JPT2: variants seen among roughly 807,000 people sequenced by gnomAD.
The protein encoded by JPT2 is Jupiter microtubule associated homolog 2, also known as CRAMP_1 like.
Under a neutral mutation model 15.9 loss-of-function variants are expected in JPT2, and 9 were observed. That is an observed-to-expected ratio of 0.57 (90% CI 0.34 to 0.99). The LOEUF (loss-of-function observed/expected upper bound fraction) is 0.99. JPT2 is among the 50% of genes least tolerant of loss of function. The pLI is 0.02. For synonymous variants in JPT2, 95 were observed against 91.7 expected (o/e 1.04, Z -0.21); for missense variants, 267 against 252.1 (o/e 1.06, Z -0.40).
intron 2 of JPT2, among the ~76,000 whole-genome samples, chr16:1,691,148 T>C (rs1442005023): frequency 1.3e-5 from 2 of 152,220 alleles, no homozygotes; most frequent in Non-Finnish European, 2.9e-5. Context: ...AGATGATCAG[T>C]TGGTCCCACA....
At chr16:1,688,793 C>A (rs139676999) in intron 2 of JPT2, 2 of 152,268 alleles carry the variant, frequency 1.3e-5, no homozygotes, top group East Asian at 3.9e-4. Flanking sequence ...AAACATCTCT[C>A]GAGTTTATCT....
At chr16:1,702,411 G>A, downstream of JPT2, 1 of 312,384 alleles carries the variant, frequency 3.2e-6, no homozygotes, top group Non-Finnish European at 6.5e-6. Flanking sequence ...ACCTCTGGGA[G>A]TCACAGCTCC....
intron 1 of JPT2, among the ~76,000 whole-genome samples, chr16:1,684,253 G>C (rs1044681987): frequency 3.9e-5 from 6 of 152,160 alleles, no homozygotes; most frequent in Non-Finnish European, 7.3e-5. Flanking sequence ...CATTGCTTAG[G>C]ACTAGTGAGA....
chr16:1,683,476 G>C, intron 1 of JPT2: 1 of 1,405,020 alleles, frequency 7.1e-7, no homozygotes, highest in Non-Finnish European at 9.7e-7. Flanking sequence ...AAGTGCACCT[G>C]TCTTTTTTTT....
intron 1 of JPT2, among the ~76,000 whole-genome samples, chr16:1,684,732 A>C (rs1412197441): frequency 6.6e-6 from 1 of 151,242 alleles, no homozygotes; most frequent in Non-Finnish European, 1.5e-5. Flanking sequence ...AACAAGAGTA[A>C]AACTCCGTCT....
chr16:1,691,733 C>T, intron 2 of JPT2, 110 bp from the exon 3 acceptor site: 2 of 1,306,542 alleles, frequency 1.5e-6, no homozygotes, highest in South Asian at 1.4e-5. Context: ...GAGCTCAGGG[C>T]TGGCACTCGG....
intron 2 of JPT2, chr16:1,688,850 T>C (rs1339414501): frequency 1.3e-5 from 2 of 152,264 alleles, no homozygotes; most frequent in Non-Finnish European, 2.9e-5. Flanking sequence ...CAAAGCTGAA[T>C]TTATTTTTCA....
intron 3 of JPT2, among the ~76,000 whole-genome samples, chr16:1,694,690 C>CTT (rs34507327): frequency 2.8e-5 from 4 of 144,026 alleles, no homozygotes; most frequent in African/African-American, 1.0e-4. Context: ...TTCCAAAGGG[C>CTT]TTTTTTTTTT....
At chr16:1,697,770 T>G in intron 3 of JPT2, 42 bp from the exon 4 acceptor site, 1 of 1,600,838 alleles carries the variant, frequency 6.2e-7, no homozygotes, top group Non-Finnish European at 8.5e-7. Context: ...GAGGGTAAAA[T>G]TTTCTGAGTG....
At chr16:1,685,672 C>T (rs1330175134) in intron 2 of JPT2, 85 bp downstream of exon 2, 2 of 1,374,512 alleles carry the variant, frequency 1.5e-6, no homozygotes, top group African/African-American at 2.9e-5. Flanking sequence ...CTGATCCTTT[C>T]CCATATTGTC....
At chr16:1,702,298 G>T, downstream of JPT2, 1 of 400,642 alleles carries the variant, frequency 2.5e-6, no homozygotes, top group Non-Finnish European at 5.1e-6. Flanking sequence ...GTCTTCACTT[G>T]TTCATCCACA....
rs538193287 is a variant in JPT2, at chr16:1,683,003, A to G, written c.45-2436A>G. Among the ~76,000 whole-genome samples the G allele has an allele frequency of 7.4e-4, 112 of 152,114 alleles. 1 individual carries two copies. Among genetic ancestry groups the G allele is most frequent in the African/African-American group, 2.6e-3 (106 of 41,514 alleles). On this transcript the variant is annotated intron_variant, in intron 1 of 4. Transcript: ENST00000248098. Reference sequence around the variant, plus strand: ...TTGTTTGTTTGTTTTTTTGAGACGGAATCTCGCTCTGTCACCCAGGCTGGA... The same window carrying G: ...TTGTTTGTTTGTTTTTTTGAGACGGGATCTCGCTCTGTCACCCAGGCTGGA...
intron 2 of JPT2, among the ~76,000 whole-genome samples, chr16:1,687,286 C>T (rs760017956): frequency 5.9e-5 from 9 of 152,250 alleles, no homozygotes; most frequent in East Asian, 1.9e-4. Flanking sequence ...TGTGCCCGGC[C>T]GAAGCTAGGT....
chr16:1,682,027 A>G (rs2142219625), intron 1 of JPT2, among the ~76,000 whole-genome samples: 1 of 152,354 alleles, frequency 6.6e-6, no homozygotes, highest in South Asian at 2.1e-4. Context: ...CTTATTTCCA[A>G]AGAGAGAACT....
intron 1 of JPT2, among the ~76,000 whole-genome samples, chr16:1,679,736 C>A (rs1415786274): frequency 6.7e-6 from 1 of 148,794 alleles, no homozygotes; most frequent in Non-Finnish European, 1.5e-5. Flanking sequence ...GGAGTTAGGT[C>A]AGTATTCAGT....
rs529470879 is a variant in JPT2 at position 1,680,566 on chromosome 16, C to T, written c.44+2210C>T. On this transcript the variant is annotated intron_variant, in intron 1 of 4. Transcript: ENST00000248098. ...CATTTGCCACTCATCTGAACGGGGT[C>T]GAGTCGCAGGGCGGGCGCCTTGTAA... 1.7e-4 allele frequency: 183 copies of T among 1,091,420 alleles called. 1 individual carries two copies. Among genetic ancestry groups the T allele is most frequent in the Middle Eastern group, 5.2e-4 (2 of 3,880 alleles). 67.6% of individuals were successfully genotyped at this position (1,091,420 alleles called of 1,614,324 possible).
chr16:1,694,910 A>T (rs1326479097), intron 3 of JPT2, among the ~76,000 whole-genome samples: 1 of 152,198 alleles, frequency 6.6e-6, no homozygotes, highest in Non-Finnish European at 1.5e-5. Context: ...AATCTTCATG[A>T]CCCTGGATTT....
rs781510473 is a variant in JPT2, at chr16:1,701,001, C to T, written c.*2003C>T. 2 of 152,258 alleles carry T rather than the reference C, an allele frequency of 1.3e-5. No individual in the cohort carries two copies. Among genetic ancestry groups the T allele is most frequent in the Non-Finnish European group, 2.9e-5 (2 of 68,068 alleles). 9.4% of individuals were successfully genotyped at this position (152,258 alleles called of 1,614,324 possible). A position where few individuals can be genotyped will look rare whatever the true frequency, so the allele number is the denominator to read the frequency against. On this transcript the variant is annotated 3_prime_UTR_variant, in exon 5 of 5. Coordinates refer to ENST00000248098, the MANE Select transcript of JPT2 (RefSeq NM_144570.3). ...AGCTGTGATGGAGCCCCTGACATTA[C>T]TCTTCTTGCATCTGTCCTGCCTTCT... is the stretch of plus-strand genomic sequence containing the variant.
In JPT2 at chr16:1,691,905, C is replaced by G; in HGVS notation, c.256C>G (p.Pro86Ala). 1 of 1,614,140 alleles carries G rather than the reference C, an allele frequency of 6.2e-7. No homozygotes were observed. Among genetic ancestry groups the G allele is most frequent in the Non-Finnish European group, 8.5e-7 (1 of 1,180,030 alleles). ...CGTGCAGACTCGACAGCACCTGAAC[C>G]CACCTGGAGGGAAGACCAGCGACAT... ...TPVQTRQHLNPPGGKTSDIFG... is the reference protein window; with the variant it reads ...TPVQTRQHLNAPGGKTSDIFG... Residue 86 changes from proline to alanine, a missense_variant, in exon 3 of 5, where the codon CCA becomes GCA. Coordinates refer to ENST00000248098, the MANE Select transcript of JPT2 (RefSeq NM_144570.3).
Sources: gnomAD v4.1 joint callset for allele counts (sites outside exome capture counted in the v4.1 genomes callset) on GRCh38, gnomAD v4.1.1 for gene constraint, MANE v1.5 for transcripts, NCBI Gene and HGNC (gene_info 2026-07-23, HGNC 2026-07-21) for gene names.